ERC1: variants seen among roughly 807,000 people sequenced by gnomAD.
The protein encoded by ERC1 is ELKS/RAB6-interacting/CAST family member 1.
In ERC1, 56 loss-of-function variants were observed where a neutral mutation model predicts 132.0. The observed-to-expected ratio is 0.42, with a 90% CI of 0.34 to 0.53. The LOEUF (loss-of-function observed/expected upper bound fraction) is 0.53. Among genes scored for constraint, ERC1 ranks in the 20% least tolerant of loss-of-function variants. The pLI is 0.03. For synonymous variants in ERC1, 478 were observed against 476.1 expected (o/e 1.00, Z -0.05); for missense variants, 1,202 against 1,349.9 (o/e 0.89, Z 1.72).
intron 16 of ERC1, among the ~76,000 whole-genome samples, chr12:1,402,772 A>G (rs139815829): frequency 5.6e-4 from 85 of 152,312 alleles, no homozygotes; most frequent in African/African-American, 1.9e-3. Flanking sequence ...ATACATAGTG[A>G]GACAGATTGT....
At chr12:1,447,836 G>T (rs1200249369) in intron 18 of ERC1, among the ~76,000 whole-genome samples, 1 of 152,040 alleles carries the variant, frequency 6.6e-6, no homozygotes, top group Non-Finnish European at 1.5e-5. Context: ...TTTTAGTAGA[G>T]ATGGGGTTTC....
chr12:1,311,454 C>T (rs2081297122), intron 15 of ERC1, among the ~76,000 whole-genome samples: 1 of 146,126 alleles, frequency 6.8e-6, no homozygotes, highest in Non-Finnish European at 1.5e-5. Flanking sequence ...CCTAAGATAG[C>T]AAGAGAGATA....
chr12:1,433,405 C>T (rs1241434855), intron 17 of ERC1, among the ~76,000 whole-genome samples: 2 of 152,180 alleles, frequency 1.3e-5, no homozygotes, highest in Non-Finnish European at 2.9e-5. Context: ...TAACCTGATG[C>T]TTTCTTCTGG....
chr12:1,076,394 T>C (rs1462979902), intron 2 of ERC1, among the ~76,000 whole-genome samples: 3 of 143,270 alleles, frequency 2.1e-5, no homozygotes, highest in Admixed American at 7.0e-5. Context: ...TTTTTTTCTT[T>C]TTCTTTTTTT....
intron 17 of ERC1, among the ~76,000 whole-genome samples, chr12:1,425,564 A>T (rs1055045611): frequency 6.6e-6 from 1 of 152,216 alleles, no homozygotes; most frequent in African/African-American, 2.4e-5. Flanking sequence ...TTCCCCTGTG[A>T]ACAAAGGTCT....
intron 13 of ERC1, among the ~76,000 whole-genome samples, chr12:1,241,165 C>T (rs1157171225): frequency 6.6e-6 from 1 of 152,156 alleles, no homozygotes; most frequent in Non-Finnish European, 1.5e-5. Context: ...AGTTTGCAGG[C>T]ATTCTGTTTT....
At chr12:1,290,114 T>C (rs980506888) in intron 15 of ERC1, 102 bp downstream of exon 15, 1 of 954,250 alleles carries the variant, frequency 1.0e-6, no homozygotes, top group Admixed American at 2.3e-5. Context: ...ATACACTTAC[T>C]TAATTTTAGT....
intron 8 of ERC1, among the ~76,000 whole-genome samples, chr12:1,144,779 A>C (rs568453562): frequency 6.6e-6 from 1 of 151,628 alleles, no homozygotes; most frequent in African/African-American, 2.4e-5. Flanking sequence ...TCTTTTTCGT[A>C]TAATGCCTTC....
rs538654231 is a variant in ERC1 at position 1,187,234 on chromosome 12, G to A, written c.2158-2625G>A. ...TTATAAAGTTGTAAAGGTCTTTAAG[G>A]GGTTTAAAATTCTTGGAATTTTATT... On this transcript the variant is annotated intron_variant, in intron 11 of 18. Coordinates refer to ENST00000360905, the MANE Select transcript of ERC1 (RefSeq NM_178040.4). 7.9e-5 allele frequency among the ~76,000 whole-genome samples: 12 copies of A among 152,144 alleles called. No homozygotes were observed. The South Asian group carries it at 2.5e-3, about 32-fold the overall frequency.
At chr12:1,164,096 G>A (rs1952130028) in intron 8 of ERC1, among the ~76,000 whole-genome samples, 1 of 152,166 alleles carries the variant, frequency 6.6e-6, no homozygotes, top group African/African-American at 2.4e-5. Context: ...TTCTAATGTG[G>A]AAGCTGCTTC....
intron 3 of ERC1, among the ~76,000 whole-genome samples, chr12:1,096,521 A>G (rs1000312281): frequency 1.3e-5 from 2 of 152,182 alleles, no homozygotes; most frequent in African/African-American, 4.8e-5. Context: ...TTAAATATCT[A>G]CCGTGTGCCC....
intron 13 of ERC1, among the ~76,000 whole-genome samples, chr12:1,248,221 C>T (rs557288375): frequency 1.3e-5 from 2 of 152,094 alleles, no homozygotes; most frequent in African/African-American, 2.4e-5. Context: ...ATAAATTTAT[C>T]GAATGCTTTC....
At chr12:1,035,595 A>G (rs967390151) in intron 2 of ERC1, among the ~76,000 whole-genome samples, 1 of 152,096 alleles carries the variant, frequency 6.6e-6, no homozygotes, top group Non-Finnish European at 1.5e-5. Context: ...ATGAAAATCT[A>G]GCTGTGAGCT....
At chr12:1,420,461 G>A (rs10161150) in intron 17 of ERC1, among the ~76,000 whole-genome samples, 126,574 of 149,888 alleles carry the variant, frequency 0.84, 52,973 homozygotes, top group South Asian at 0.92. Flanking sequence ...TTATTTATTT[G>A]TTTATTTATT....
chr12:1,180,439 C>T, intron 8 of ERC1, 101 bp from the exon 9 acceptor site: 1 of 1,049,258 alleles, frequency 9.5e-7, no homozygotes, highest in Non-Finnish European at 1.4e-6. Flanking sequence ...CACACACAGA[C>T]AACCCTGAGC....
chr12:1,427,500 A>G (rs1270018697), intron 17 of ERC1, among the ~76,000 whole-genome samples: 4 of 152,230 alleles, frequency 2.6e-5, no homozygotes, highest in Non-Finnish European at 5.9e-5. Context: ...TAGTGCAACT[A>G]TAAATTTCGT....
At chr12:1,476,198 A>G (rs1007802361) in intron 18 of ERC1, among the ~76,000 whole-genome samples, 13 of 151,574 alleles carry the variant, frequency 8.6e-5, no homozygotes, top group Non-Finnish European at 1.5e-4. Flanking sequence ...AGAGATTGCA[A>G]TGAGCTGAGA....
intron 8 of ERC1, among the ~76,000 whole-genome samples, chr12:1,174,381 GC>G (rs932553422): frequency 6.6e-6 from 1 of 152,160 alleles, no homozygotes; most frequent in Non-Finnish European, 1.5e-5. Flanking sequence ...TCTGAGAATA[GC>G]CATCCCTTTT....
At position 1,491,892 on chromosome 12, in the gene ERC1, A is replaced by G. The variant is rs1241568729; in HGVS notation, c.*1662A>G. The stretch of plus-strand genomic sequence containing the variant: ...TAGTTCTTTGACCACCTCTACCACC[A>G]GAACCCAGCAGACACTCACATCTCC... On this transcript the variant is annotated 3_prime_UTR_variant, in exon 19 of 19. Coordinates refer to ENST00000360905, the MANE Select transcript of ERC1 (RefSeq NM_178040.4). 4.3e-6 allele frequency: 1 copy of G among 232,562 alleles called. No individual in the cohort carries two copies. Among genetic ancestry groups the G allele is most frequent in the East Asian group, 6.1e-5 (1 of 16,518 alleles). 14.4% of individuals were successfully genotyped at this position (232,562 alleles called of 1,614,324 possible).
Sources: allele counts gnomAD v4.1 joint callset (sites outside exome capture counted in the v4.1 genomes callset), GRCh38; gene constraint gnomAD v4.1.1; transcripts MANE v1.5; gene names NCBI Gene and HGNC (gene_info 2026-07-23, HGNC 2026-07-21).